Variants in MLLT3 observed in about 807,000 individuals in gnomAD.
The protein encoded by MLLT3 is MLLT3 super elongation complex subunit, also known as protein AF-9.
In MLLT3, 4 loss-of-function variants were observed where a neutral mutation model predicts 53.2. The ratio of observed to expected loss-of-function variants is 0.08; its 90% CI spans 0.04 to 0.17. The LOEUF (loss-of-function observed/expected upper bound fraction) is 0.17, where lower values mean the gene tolerates loss of function less well. Ranked by LOEUF, MLLT3 falls within the 10% of genes least tolerant of loss-of-function variation. The pLI is 1.00. For missense variants in MLLT3, 569 were observed against 684.0 expected (o/e 0.83, Z 1.87); for synonymous variants, 283 against 230.6 (o/e 1.23, Z -2.06).
intron 2 of MLLT3, among the ~76,000 whole-genome samples, chr9:20,517,980 T>A (rs1482574457): frequency 6.6e-6 from 1 of 152,016 alleles, no homozygotes; most frequent in Non-Finnish European, 1.5e-5. Flanking sequence ...ATTTAAACAA[T>A]AAAATGAGCA....
chr9:20,434,708 T>G (rs1432286450), intron 4 of MLLT3, among the ~76,000 whole-genome samples: 1 of 152,198 alleles, frequency 6.6e-6, no homozygotes, highest in African/African-American at 2.4e-5. Flanking sequence ...GGAAAGGCAG[T>G]GGTTTTCTCT....
At chr9:20,615,444 T>A (rs1445747901) in intron 2 of MLLT3, among the ~76,000 whole-genome samples, 1 of 147,060 alleles carries the variant, frequency 6.8e-6, no homozygotes, top group African/African-American at 2.5e-5. Flanking sequence ...AAAACCCAAG[T>A]TTAAATTATC....
chr9:20,506,203 C>T (rs932983692), intron 2 of MLLT3, among the ~76,000 whole-genome samples: 1 of 152,082 alleles, frequency 6.6e-6, no homozygotes, highest in Non-Finnish European at 1.5e-5. Context: ...TACAGGTGCA[C>T]ACCACCACGC....
chr9:20,472,959 T>C (rs1262853882), intron 2 of MLLT3, among the ~76,000 whole-genome samples: 2 of 151,936 alleles, frequency 1.3e-5, no homozygotes, highest in Non-Finnish European at 2.9e-5. Flanking sequence ...ATTAGTTTAA[T>C]TACACCTAGA....
At chr9:20,390,505 T>C (rs1353180786) in intron 5 of MLLT3, among the ~76,000 whole-genome samples, 1 of 152,254 alleles carries the variant, frequency 6.6e-6, no homozygotes, top group Admixed American at 6.5e-5. Flanking sequence ...ATGCCTACTA[T>C]GTGTCTAGAA....
At chr9:20,355,475 G>A (rs1349240746) in intron 8 of MLLT3, among the ~76,000 whole-genome samples, 1 of 152,140 alleles carries the variant, frequency 6.6e-6, no homozygotes, top group East Asian at 1.9e-4. Context: ...CTTTTATCTG[G>A]ACTGATTACA....
At chr9:20,406,103 C>T (rs1002550212) in intron 5 of MLLT3, among the ~76,000 whole-genome samples, 7 of 151,782 alleles carry the variant, frequency 4.6e-5, no homozygotes, top group Admixed American at 6.6e-5. Flanking sequence ...CAGAGTGAGA[C>T]TCCACCTAAA....
chr9:20,441,624 A>T (rs933292705), intron 4 of MLLT3, among the ~76,000 whole-genome samples: 3 of 152,052 alleles, frequency 2.0e-5, no homozygotes, highest in Admixed American at 6.6e-5. Flanking sequence ...TAAATAAACC[A>T]CCTTTTATCA....
Position 20,343,345 on chromosome 9 carries a change from T to C in MLLT3, c.*3098A>G, listed in dbSNP as rs1351584867. The C allele has an allele frequency of 4.8e-6, 1 of 209,460 alleles. No homozygotes were observed. The highest frequency in any genetic ancestry group is 2.3e-5 in the African/African-American group (1 of 43,904). 13.0% of individuals were successfully genotyped at this position (209,460 alleles called of 1,614,324 possible). Reference sequence around the variant, plus strand: ...GTTTAAGACACTCTCTTAAGAGATATTTTTTTCCTGATCTGAAGTTTTTAT... The same window carrying C: ...GTTTAAGACACTCTCTTAAGAGATACTTTTTTCCTGATCTGAAGTTTTTAT... On this transcript the variant is annotated 3_prime_UTR_variant, in exon 11 of 11. Transcript: ENST00000380338.
At chr9:20,553,569 C>T (rs1818980923) in intron 2 of MLLT3, among the ~76,000 whole-genome samples, 1 of 152,218 alleles carries the variant, frequency 6.6e-6, no homozygotes, top group African/African-American at 2.4e-5. Context: ...AACGATTTGT[C>T]TATATAAGAT....
At chr9:20,482,064 C>G (rs1434310102) in intron 2 of MLLT3, among the ~76,000 whole-genome samples, 1 of 152,148 alleles carries the variant, frequency 6.6e-6, no homozygotes, top group Non-Finnish European at 1.5e-5. Context: ...ACATTATCTC[C>G]CAATCTAAGA....
At chr9:20,615,741 C>A (rs528415088) in intron 2 of MLLT3, among the ~76,000 whole-genome samples, 117 of 151,688 alleles carry the variant, frequency 7.7e-4, no homozygotes, top group Admixed American at 1.8e-3. Flanking sequence ...AGTTATGTGC[C>A]TTTTTCCTTC....
chr9:20,466,035 T>C (rs888054013), intron 2 of MLLT3, among the ~76,000 whole-genome samples: 1 of 152,106 alleles, frequency 6.6e-6, no homozygotes, highest in African/African-American at 2.4e-5. Flanking sequence ...GCTGTTTAAG[T>C]GATTCTACAA....
intron 2 of MLLT3, among the ~76,000 whole-genome samples, chr9:20,512,212 G>A (rs1245497888): frequency 1.3e-5 from 2 of 152,176 alleles, no homozygotes; most frequent in Non-Finnish European, 2.9e-5. Context: ...AACAACAGAT[G>A]TCTCCCTATC....
chr9:20,485,056 T>C (rs1824772890), intron 2 of MLLT3, among the ~76,000 whole-genome samples: 2 of 152,084 alleles, frequency 1.3e-5, no homozygotes, highest in African/African-American at 4.8e-5. Context: ...TGGCGCAATC[T>C]TGGCTCACTA....
At chr9:20,405,434 G>A (rs1172516242) in intron 5 of MLLT3, among the ~76,000 whole-genome samples, 1 of 152,200 alleles carries the variant, frequency 6.6e-6, no homozygotes, top group East Asian at 1.9e-4. Context: ...CAATATCACA[G>A]TGGTTTTAAT....
At chr9:20,528,187 T>A (rs1818248076) in intron 2 of MLLT3, among the ~76,000 whole-genome samples, 2 of 152,270 alleles carry the variant, frequency 1.3e-5, no homozygotes, top group African/African-American at 4.8e-5. Flanking sequence ...TCCATCTTTA[T>A]CTCAATCACA....
intron 2 of MLLT3, among the ~76,000 whole-genome samples, chr9:20,605,406 T>A (rs963174600): frequency 6.6e-6 from 1 of 151,998 alleles, no homozygotes; most frequent in Non-Finnish European, 1.5e-5. Context: ...ATAAATCAAG[T>A]GTCTGAAGAA....
chr9:20,579,524 T>C (rs542226779), intron 2 of MLLT3, among the ~76,000 whole-genome samples: 1 of 152,024 alleles, frequency 6.6e-6, no homozygotes, highest in Non-Finnish European at 1.5e-5. Context: ...TCTCTCCAAA[T>C]AAGATTTCTA....
Sources: allele counts gnomAD v4.1 joint callset (sites outside exome capture counted in the v4.1 genomes callset), GRCh38; gene constraint gnomAD v4.1.1; transcripts MANE v1.5; gene names NCBI Gene and HGNC (gene_info 2026-07-23, HGNC 2026-07-21).